Variants in CHRNA1 observed in about 807,000 individuals in gnomAD.
CHRNA1 encodes acetylcholine receptor subunit alpha.
A neutral mutation model predicts 47.1 loss-of-function variants in CHRNA1; 35 were observed. The observed-to-expected ratio is 0.74, with a 90% CI of 0.57 to 0.99. CHRNA1 has a LOEUF of 0.99. Ranked by LOEUF, CHRNA1 falls within the 50% of genes least tolerant of loss-of-function variation. The pLI is 0.00. For synonymous variants in CHRNA1, 229 were observed against 223.6 expected, an observed-to-expected ratio of 1.02 and a Z score of -0.22; for missense variants, 506 against 591.1, an observed-to-expected ratio of 0.86 and a Z score of 1.49.
chr2:174,761,670 C>T (rs1239030290), intron 1 of CHRNA1, among the ~76,000 whole-genome samples: 1 of 152,194 alleles, frequency 6.6e-6, no homozygotes, highest in Non-Finnish European at 1.5e-5. Flanking sequence ...TGCCCAACCA[C>T]GCAGAGATTT....
At chr2:174,763,419 G>A (rs1261345601) in intron 1 of CHRNA1, among the ~76,000 whole-genome samples, 1 of 151,962 alleles carries the variant, frequency 6.6e-6, no homozygotes, top group East Asian at 1.9e-4. Flanking sequence ...TCTGAGTTTA[G>A]GCTCTTTCAC....
At chr2:174,755,695 G>A (rs1398547999) in intron 4 of CHRNA1, among the ~76,000 whole-genome samples, 1 of 152,168 alleles carries the variant, frequency 6.6e-6, no homozygotes, top group Non-Finnish European at 1.5e-5. Context: ...TGGGATTACA[G>A]GCGTGAGCAT....
chr2:174,764,321 C>T lies in CHRNA1; in HGVS notation c.43+31G>A, dbSNP rs376270474. ...CCAGCACTTTAGCCTCAAAGGAGAG[C>T]CCTCTCCCCACCCCTGACCCCAGCA... On this transcript the variant is annotated intron_variant, in intron 1 of 8. Transcript: ENST00000348749. The T allele has an allele frequency of 3.1e-6, 5 of 1,607,988 alleles. No individual in the cohort carries two copies. The African/African-American group carries it at 5.4e-5, about 17-fold the overall frequency.
intron 6 of CHRNA1, among the ~76,000 whole-genome samples, chr2:174,751,032 G>T (rs554827611): frequency 6.6e-6 from 1 of 152,330 alleles, no homozygotes; most frequent in Admixed American, 6.5e-5. Context: ...AATCCGGAAG[G>T]CTAAGGAGTT....
intron 4 of CHRNA1, 75 bp downstream of exon 4, chr2:174,757,491 G>T: frequency 3.0e-6 from 3 of 1,012,636 alleles, no homozygotes; most frequent in Non-Finnish European, 4.7e-6. Context: ...CATTCCGAGC[G>T]CGCAGCCCTT....
In CHRNA1 at chr2:174,748,679, G is replaced by A. The variant is rs767048858; in HGVS notation, c.1143C>T (p.Gly381=). The A allele has an allele frequency of 6.2e-6, 10 of 1,614,110 alleles. No individual in the cohort carries two copies. In the South Asian group the frequency reaches 9.9e-5, roughly 16 times the overall value. Residue 381 remains glycine, a synonymous_variant, in exon 8 of 9, where the codon GGC becomes GGT. Transcript: ENST00000348749. ...ISGKPGPPPM[G]FHSPLIKHPE... Reference sequence around the variant, plus strand: ...GGTGTTTGATCAGGGGAGAGTGGAAGCCCATGGGTGGAGGCCCTGGCTTTC... The same window carrying A: ...GGTGTTTGATCAGGGGAGAGTGGAAACCCATGGGTGGAGGCCCTGGCTTTC...
In CHRNA1 at chr2:174,750,130, A is replaced by G; in HGVS notation, c.818T>C (p.Leu273Ser). The G allele has an allele frequency of 6.2e-7, 1 of 1,613,848 alleles. No homozygotes were observed. Among genetic ancestry groups the G allele is most frequent in the South Asian group, 1.1e-5 (1 of 91,072 alleles). Residue 273 changes from leucine to serine, a missense_variant, in exon 7 of 9, where the codon TTG (leucine) becomes TCG (serine). By Grantham distance (145) the Leu-to-Ser change is moderately radical (BLOSUM62 -2). Transcript: ENST00000348749. ...CACGATGACCAGAAGGAACACAGTC[A>G]AAGACAGTAAGACAGAGATGCTCAG... ...MTLSISVLLS[L>S]TVFLLVIVEL...
rs376391332 is a variant in CHRNA1 at position 174,751,892 on chromosome 2, C to T, written c.778+1611G>A. ...ATGGGGTTTCACCATGTTGGCCAGG[C>T]TGGTCTCAAACTCCTGACCTCAAGT... On this transcript the variant is annotated intron_variant, in intron 6 of 8. Coordinates refer to ENST00000348749, the MANE Select transcript of CHRNA1 (RefSeq NM_000079.4). Among the ~76,000 whole-genome samples, 51 of 152,058 alleles carry T rather than the reference C, an allele frequency of 3.4e-4. 1 individual carries two copies. The South Asian group carries it at 8.3e-3, about 25-fold the overall frequency.
rs865886966 is a variant in CHRNA1 at position 174,759,308 on chromosome 2, A to T, written c.234+23T>A. 8.7e-6 allele frequency: 14 copies of T among 1,613,260 alleles called. No individual in the cohort carries two copies. In the Middle Eastern group the frequency reaches 2.0e-3, roughly 229 times the overall value. ...TTCAGTGTGAATGAAAACGACACACATGCAATTATCTGGCTAAGTTACCTG... is the reference window on the plus strand; with the variant it reads ...TTCAGTGTGAATGAAAACGACACACTTGCAATTATCTGGCTAAGTTACCTG... On this transcript the variant is annotated intron_variant, in intron 3 of 8. Coordinates refer to ENST00000348749, the MANE Select transcript of CHRNA1 (RefSeq NM_000079.4).
chr2:174,760,550 G>C (rs33989177), intron 1 of CHRNA1, among the ~76,000 whole-genome samples: 73,805 of 151,980 alleles, frequency 0.49, 18,290 homozygotes, highest in Non-Finnish European at 0.54. Context: ...AGGGACTGGG[G>C]GGGAGAGAGG....
In CHRNA1 at chr2:174,747,886, A is replaced by T; in HGVS notation, c.*238T>A. On this transcript the variant is annotated 3_prime_UTR_variant, in exon 9 of 9. Coordinates refer to ENST00000348749, the MANE Select transcript of CHRNA1 (RefSeq NM_000079.4). ...GAAATGAACACTTTTTTTAGTGATTAGTTTCATTTACTAAAGAGGGTTCAC... is the reference window on the plus strand; with the variant it reads ...GAAATGAACACTTTTTTTAGTGATTTGTTTCATTTACTAAAGAGGGTTCAC... 2.0e-6 allele frequency: 1 copy of T among 500,448 alleles called. No homozygotes were observed. 31.0% of individuals were successfully genotyped at this position (500,448 alleles called of 1,614,324 possible).
chr2:174,751,652 TTTTTCTTTCTTTC>T (rs921660694), intron 6 of CHRNA1, among the ~76,000 whole-genome samples: 4 of 151,916 alleles, frequency 2.6e-5, no homozygotes, highest in East Asian at 1.9e-4. Context: ...GTGCTTTTCT[TTTTTCTTTCTTTC>T]TTTTCTTTCT....
intron 1 of CHRNA1, among the ~76,000 whole-genome samples, chr2:174,760,729 C>T (rs757615660): frequency 6.6e-6 from 1 of 151,908 alleles, no homozygotes; most frequent in Non-Finnish European, 1.5e-5. Context: ...GGTATTTTAC[C>T]ACGATTTTTT....
intron 3 of CHRNA1, 187 bp from the exon 4 acceptor site, chr2:174,757,862 G>T: frequency 1.0e-6 from 1 of 952,414 alleles, no homozygotes; most frequent in Non-Finnish European, 1.7e-6. Flanking sequence ...CACTGACGAC[G>T]TGCTCACACT....
chr2:174,757,502 C>T (rs1489622554), intron 4 of CHRNA1, 64 bp downstream of exon 4: 2 of 1,182,534 alleles, frequency 1.7e-6, no homozygotes, highest in Admixed American at 3.4e-5. Flanking sequence ...CGCAGCCCTT[C>T]TATTAGGGCA....
In CHRNA1 at chr2:174,748,580, A is replaced by C. The variant is rs199545638; in HGVS notation, c.1242T>G (p.Asn414Lys). 84 of 1,610,168 alleles carry C rather than the reference A, an allele frequency of 5.2e-5. No individual in the cohort carries two copies. Among genetic ancestry groups the C allele is most frequent in the Admixed American group, 1.7e-5 (1 of 59,814 alleles). The change falls in exon 8 of 9, where the codon AAT becomes AAG. Residue 414 changes from asparagine to lysine, a missense_variant and splice_region_variant. Asn to Lys is a moderately conservative substitution (Grantham distance 94). Transcript: ENST00000348749. ...ATGAATTTCAAGCCACGAAGCTTACATTGTTAGACTCCTGGTCTGACTTCA... is the reference window on the plus strand; with the variant it reads ...ATGAATTTCAAGCCACGAAGCTTACCTTGTTAGACTCCTGGTCTGACTTCA... Reference protein sequence around the residue: ...ETMKSDQESNNAAAEWKYVAM... With the variant: ...ETMKSDQESNKAAAEWKYVAM...
intron 4 of CHRNA1, among the ~76,000 whole-genome samples, chr2:174,757,252 T>C (rs1325832463): frequency 6.6e-6 from 1 of 152,154 alleles, no homozygotes; most frequent in Admixed American, 6.5e-5. Flanking sequence ...CAGTAATCCC[T>C]TCTCTTTAAG....
At chr2:174,750,224 C>T in intron 6 of CHRNA1, 55 bp from the exon 7 acceptor site, 1 of 1,378,892 alleles carries the variant, frequency 7.3e-7, no homozygotes, top group Non-Finnish European at 1.0e-6. Flanking sequence ...CTGGGTTGGG[C>T]TGCAGTGTTC....
intron 7 of CHRNA1, 87 bp from the exon 8 acceptor site, chr2:174,748,906 G>T: frequency 6.4e-7 from 1 of 1,556,926 alleles, no homozygotes. Flanking sequence ...ATGTGATTTG[G>T]GGTAAGTCAT....
Sources: allele counts gnomAD v4.1 joint callset (sites outside exome capture counted in the v4.1 genomes callset), GRCh38; gene constraint gnomAD v4.1.1; transcripts MANE v1.5; gene names NCBI Gene and HGNC (gene_info 2026-07-23, HGNC 2026-07-21).